Variants in PTPN3 observed in about 807,000 individuals in gnomAD.
PTPN3 encodes protein tyrosine phosphatase non-receptor type 3.
In PTPN3, 96 loss-of-function variants were observed where a neutral mutation model predicts 132.7. That is an observed-to-expected ratio of 0.72 (90% confidence interval 0.61 to 0.86). The LOEUF is 0.86. Ranked by LOEUF, PTPN3 falls within the 40% of genes least tolerant of loss-of-function variation. PTPN3 has a pLI of 0.00. For synonymous variants in PTPN3, 398 were observed against 429.0 expected (o/e 0.93, Z 0.89); for missense variants, 1,125 against 1,159.6 (o/e 0.97, Z 0.43).
intron 17 of PTPN3, 51 bp from the exon 18 acceptor site, chr9:109,406,669 G>C: frequency 6.3e-7 from 1 of 1,599,820 alleles, no homozygotes. Flanking sequence ...CACAGTCCTT[G>C]GGGGAAGAAC....
intron 12 of PTPN3, among the ~76,000 whole-genome samples, chr9:109,425,325 A>G (rs1403410176): frequency 1.3e-5 from 2 of 152,232 alleles, no homozygotes; most frequent in African/African-American, 4.8e-5. Context: ...CACCTATCAG[A>G]AAGATAATGG....
intron 2 of PTPN3, among the ~76,000 whole-genome samples, chr9:109,459,520 T>G (rs550611989): frequency 6.6e-6 from 1 of 152,324 alleles, no homozygotes; most frequent in East Asian, 1.9e-4. Flanking sequence ...TAACTAAGAA[T>G]TTCTGGGTGC....
At chr9:109,531,045 T>C in the PTPN3 span, among the ~76,000 whole-genome samples, 7 of 152,224 alleles carry the variant, frequency 4.6e-5, no homozygotes, top group Admixed American at 3.9e-4. Context: ...AAAGTGTCTT[T>C]TAATGCACCA....
In PTPN3 at chr9:109,422,871, G is replaced by A; in HGVS notation, c.1002-19C>T. On this transcript the variant is annotated intron_variant, in intron 12 of 25. Transcript: ENST00000374541. ...TACCGACCTGAAAAACCAGATGCAG[G>A]TTCACTTTCTACACTGACGTTCAAC... The A allele has an allele frequency of 6.2e-7, 1 of 1,609,900 alleles. No individual in the cohort carries two copies. The highest frequency in any genetic ancestry group is 8.5e-7 in the Non-Finnish European group (1 of 1,176,430).
chr9:109,399,269 G>T (rs565853208), intron 19 of PTPN3, among the ~76,000 whole-genome samples: 1 of 152,236 alleles, frequency 6.6e-6, no homozygotes, highest in South Asian at 2.1e-4. Flanking sequence ...TAGAGCAATC[G>T]TCCCGCCTCA....
the PTPN3 span, among the ~76,000 whole-genome samples, chr9:109,524,927 G>A: frequency 3.3e-5 from 5 of 152,182 alleles, no homozygotes; most frequent in East Asian, 5.8e-4. Context: ...TAGTAGAGAC[G>A]GGGTTTTGCC....
At chr9:109,471,143 G>A (rs1333174350) in intron 1 of PTPN3, among the ~76,000 whole-genome samples, 2 of 150,746 alleles carry the variant, frequency 1.3e-5, no homozygotes, top group South Asian at 2.1e-4. Flanking sequence ...TGCAACCTCC[G>A]TCTCCTGGGC....
At chr9:109,408,796 A>AATATATAT (rs1219154297) in intron 16 of PTPN3, among the ~76,000 whole-genome samples, 182 of 108,312 alleles carry the variant, frequency 1.7e-3, no homozygotes, top group African/African-American at 2.5e-3. Flanking sequence ...AAAAAAAAAA[A>AATATATAT]ATATATATAT....
chr9:109,413,680 C>G (rs931993715), intron 14 of PTPN3, among the ~76,000 whole-genome samples: 1 of 152,002 alleles, frequency 6.6e-6, no homozygotes, highest in Admixed American at 6.5e-5. Context: ...TGAGGCAGGA[C>G]GGGGAAGACA....
At chr9:109,391,877 G>GGT (rs1554777642) in intron 19 of PTPN3, among the ~76,000 whole-genome samples, 2 of 101,066 alleles carry the variant, frequency 2.0e-5, no homozygotes, top group Non-Finnish European at 4.0e-5. Context: ...ATGTGGGGGG[G>GGT]GGGGGGAAGA....
At position 109,457,367 on chromosome 9, in the gene PTPN3, C is replaced by T; in HGVS notation, c.171G>A (p.Met57Ile). ...CAGTCACACCCAGGTGGTTGTGCAC[C>T]ATATCCAGAAGAACCTGGCCAGTGT... ...KQDTGQVLLD[M>I]VHNHLGVTEK... The change falls in exon 3 of 26, where the codon ATG becomes ATA. Residue 57 changes from methionine (M) to isoleucine (I), a missense_variant. By Grantham distance (10) the Met-to-Ile change is conservative. Coordinates refer to ENST00000374541, the MANE Select transcript of PTPN3 (RefSeq NM_002829.4). 6.2e-7 allele frequency: 1 copy of T among 1,614,068 alleles called. No homozygotes were observed. The highest frequency in any genetic ancestry group is 8.5e-7 in the Non-Finnish European group (1 of 1,180,020).
At position 109,377,283 on chromosome 9, in the gene PTPN3, G is replaced by A. The variant is rs1174381617; in HGVS notation, c.*2273C>T. 1 of 152,058 alleles carries A rather than the reference G, an allele frequency of 6.6e-6. No homozygotes were observed. The highest frequency in any genetic ancestry group is 1.5e-5 in the Non-Finnish European group (1 of 68,034). The allele number at this position is 152,058 out of a possible 1,614,324, so 9.4% of individuals were successfully genotyped here. On this transcript the variant is annotated 3_prime_UTR_variant, in exon 26 of 26. Coordinates refer to ENST00000374541, the MANE Select transcript of PTPN3 (RefSeq NM_002829.4). ...CCTCTCATAAAAACCCAGTTAGGCT[G>A]GGCACAGTGGCTCACGCCTATAATC... is the stretch of plus-strand genomic sequence containing the variant.
At chr9:109,460,103 G>C (rs962028706) in intron 2 of PTPN3, among the ~76,000 whole-genome samples, 2 of 152,064 alleles carry the variant, frequency 1.3e-5, no homozygotes, top group East Asian at 3.9e-4. Context: ...GCCCACAGCA[G>C]AACTGATTAC....
At chr9:109,464,154 G>T (rs1845983719) in intron 1 of PTPN3, among the ~76,000 whole-genome samples, 2 of 152,228 alleles carry the variant, frequency 1.3e-5, no homozygotes, top group African/African-American at 4.8e-5. Flanking sequence ...GGAGCAACCA[G>T]AACTCTCACA....
At chr9:109,461,087 T>C (rs1364354937) in intron 2 of PTPN3, among the ~76,000 whole-genome samples, 1 of 152,234 alleles carries the variant, frequency 6.6e-6, no homozygotes, top group Non-Finnish European at 1.5e-5. Context: ...GTGACCTTCA[T>C]GGAGCTTGTG....
At chr9:109,447,470 T>C (rs1844939456) in intron 6 of PTPN3, among the ~76,000 whole-genome samples, 1 of 151,878 alleles carries the variant, frequency 6.6e-6, no homozygotes, top group Admixed American at 6.6e-5. Flanking sequence ...CTGGGGGTGA[T>C]CAAGCAGAAG....
At chr9:109,438,311 G>C (rs551839047) in intron 7 of PTPN3, 77 bp from the exon 8 acceptor site, 1 of 1,439,504 alleles carries the variant, frequency 6.9e-7, no homozygotes, top group Non-Finnish European at 9.5e-7. Flanking sequence ...AGCATCTACA[G>C]CATCATCAGA....
At chr9:109,449,154 C>T (rs984196015) in intron 5 of PTPN3, 4 of 1,203,640 alleles carry the variant, frequency 3.3e-6, no homozygotes, top group Non-Finnish European at 4.1e-6. Context: ...CAAAGATGGG[C>T]TGGTACTATG....
At chr9:109,415,052 A>ATCCGTCCGTCCGTCCATCCGTCCATCCG (rs1256859475) in intron 14 of PTPN3, among the ~76,000 whole-genome samples, 12 of 133,854 alleles carry the variant, frequency 9.0e-5, no homozygotes, top group African/African-American at 1.9e-4. Flanking sequence ...CCGTCCGTCC[A>ATCCGTCCGTCCGTCCATCCGTCCATCCG]TCCGTCCATC....
Sources: gnomAD v4.1 joint callset for allele counts (sites outside exome capture counted in the v4.1 genomes callset) on GRCh38, gnomAD v4.1.1 for gene constraint, MANE v1.5 for transcripts, NCBI Gene and HGNC (gene_info 2026-07-23, HGNC 2026-07-21) for gene names.